Variants in VRK2 observed in about 807,000 individuals in gnomAD.
VRK2 encodes serine/threonine-protein kinase VRK2.
Under a neutral mutation model 57.6 loss-of-function variants are expected in VRK2, and 60 were observed. The ratio of observed to expected loss-of-function variants is 1.04; its 90% CI spans 0.85 to 1.29. VRK2 has a LOEUF of 1.29. VRK2 is among the 50% of genes most tolerant of loss of function. The probability of loss-of-function intolerance (pLI) is 0.00; values close to 1 mark genes in which losing one functional copy is unlikely to be tolerated. For missense variants in VRK2, 705 were observed against 588.1 expected, an observed-to-expected ratio of 1.20 and a Z score of -2.06; for synonymous variants, 231 against 199.2, an observed-to-expected ratio of 1.16 and a Z score of -1.35.
At chr2:58,011,548 G>T (rs1180680316) in intron 1 of VRK2, among the ~76,000 whole-genome samples, 1 of 152,126 alleles carries the variant, frequency 6.6e-6, no homozygotes, top group Non-Finnish European at 1.5e-5. Context: ...AAACACACAA[G>T]TTGTGTCTGG....
chr2:58,063,402 AC>A lies in VRK2; in HGVS notation c.136+14436del, dbSNP rs375976447. 8.5e-5 allele frequency among the ~76,000 whole-genome samples: 13 copies of A among 152,078 alleles called. No homozygotes were observed. The East Asian group carries it at 1.9e-3, about 23-fold the overall frequency. The stretch of plus-strand genomic sequence containing the variant: ...TAGCAGTGTAGGATGTCTATACTTA[AC>A]AAAAATGTATTGTACTTGGGTAATG... On this transcript the variant is annotated intron_variant, in intron 2 of 12. Coordinates refer to ENST00000340157, the MANE Select transcript of VRK2 (RefSeq NM_006296.7).
intron 1 of VRK2, among the ~76,000 whole-genome samples, chr2:57,939,842 A>G (rs952076826): frequency 1.3e-5 from 2 of 152,350 alleles, no homozygotes; most frequent in East Asian, 1.9e-4. Context: ...AAAGATCAGA[A>G]TAATTAATTT....
chr2:58,088,407 C>T lies in VRK2; in HGVS notation c.411C>T (p.Thr137=). The T allele has an allele frequency of 6.2e-7, 1 of 1,613,430 alleles. No individual in the cohort carries two copies. Among genetic ancestry groups the T allele is most frequent in the Non-Finnish European group, 8.5e-7 (1 of 1,179,636 alleles). Residue 137 remains threonine, a synonymous_variant, in exon 6 of 13, where the codon ACC becomes ACT. Coordinates refer to ENST00000340157, the MANE Select transcript of VRK2 (RefSeq NM_006296.7). ...AGAAGATCTCAGGCCAGAATGGTAC[C>T]TTTAAAAAGTCAACTGTCCTGCAAT... ...DLQKISGQNG[T]FKKSTVLQLG... is the part of the protein sequence containing the mutation.
At chr2:57,974,517 T>C (rs1376274844) in intron 1 of VRK2, among the ~76,000 whole-genome samples, 1 of 151,766 alleles carries the variant, frequency 6.6e-6, no homozygotes, top group Admixed American at 6.6e-5. Flanking sequence ...AAAAACTAAA[T>C]ATAAAATTAT....
intron 1 of VRK2, among the ~76,000 whole-genome samples, chr2:58,018,351 A>G (rs549096623): frequency 3.0e-4 from 46 of 152,338 alleles, no homozygotes; most frequent in Non-Finnish European, 5.9e-4. Context: ...CAGTTCTGAA[A>G]TGAGAGCAAT....
intron 1 of VRK2, among the ~76,000 whole-genome samples, chr2:58,047,704 C>G (rs1022245303): frequency 6.6e-6 from 1 of 152,084 alleles, no homozygotes; most frequent in Admixed American, 6.5e-5. Context: ...AATCAATGCT[C>G]TAGGCATAGT....
chr2:58,043,192 A>G (rs1674531525), upstream of VRK2, among the ~76,000 whole-genome samples: 1 of 152,188 alleles, frequency 6.6e-6, no homozygotes, highest in African/African-American at 2.4e-5. Flanking sequence ...TTAAATCATA[A>G]GAACACTTAA....
chr2:58,143,008 C>T (rs1489829938), intron 11 of VRK2, among the ~76,000 whole-genome samples: 2 of 151,842 alleles, frequency 1.3e-5, no homozygotes, highest in African/African-American at 2.4e-5. Flanking sequence ...CCTTCATTCA[C>T]CTTAAATCTG....
intron 1 of VRK2, among the ~76,000 whole-genome samples, chr2:57,948,306 G>A (rs1007179386): frequency 4.6e-5 from 7 of 152,130 alleles, no homozygotes. Context: ...ATTAACTGCT[G>A]CCATACTTAT....
At chr2:57,985,638 A>G (rs1672571597) in intron 1 of VRK2, among the ~76,000 whole-genome samples, 1 of 152,154 alleles carries the variant, frequency 6.6e-6, no homozygotes, top group African/African-American at 2.4e-5. Flanking sequence ...CCCTAAGATC[A>G]GAACCAAAAT....
In VRK2 at chr2:58,084,937, A is replaced by G. The variant is rs763895082; in HGVS notation, c.243A>G (p.Ala81=). 4 of 1,583,660 alleles carry G rather than the reference A, an allele frequency of 2.5e-6. No individual in the cohort carries two copies. The highest frequency in any genetic ancestry group is 8.6e-7 in the Non-Finnish European group (1 of 1,164,496). Residue 81 remains alanine (A), a synonymous_variant, in exon 4 of 13, where the codon GCA becomes GCG. Coordinates refer to ENST00000340157, the MANE Select transcript of VRK2 (RefSeq NM_006296.7). ...AACTTAAATTTTATCAGAGAGTTGC[A>G]AAAAAAGACTGTAGTAAGTAAAATT... ...FSELKFYQRV[A]KKDCIKKWIE... is the part of the protein sequence containing the mutation.
At chr2:58,084,262 G>T in intron 3 of VRK2, 124 bp downstream of exon 3, 2 of 981,862 alleles carry the variant, frequency 2.0e-6, no homozygotes, top group East Asian at 2.8e-5. Context: ...GTTATCATCT[G>T]TTTTGACGTT....
intron 12 of VRK2, among the ~76,000 whole-genome samples, chr2:58,156,258 A>T (rs1420610607): frequency 6.6e-6 from 1 of 151,878 alleles, no homozygotes; most frequent in African/African-American, 2.4e-5. Flanking sequence ...GTTAGCAGTT[A>T]TTCTTATTGG....
chr2:57,910,204 G>T (rs2103880505), intron 1 of VRK2, among the ~76,000 whole-genome samples: 1 of 151,956 alleles, frequency 6.6e-6, no homozygotes, highest in Non-Finnish European at 1.5e-5. Context: ...CTGCCTAAAT[G>T]CCAGAGCTGT....
At chr2:58,100,054 G>A (rs951234367) in intron 7 of VRK2, among the ~76,000 whole-genome samples, 5 of 152,020 alleles carry the variant, frequency 3.3e-5, no homozygotes, top group Non-Finnish European at 5.9e-5. Flanking sequence ...TCTGGAAGAA[G>A]GAGTTGTAAT....
intron 1 of VRK2, among the ~76,000 whole-genome samples, chr2:57,995,914 G>T (rs916773707): frequency 1.3e-5 from 2 of 152,170 alleles, no homozygotes; most frequent in African/African-American, 4.8e-5. Flanking sequence ...TAAGCAAAGT[G>T]CACTCAGTCT....
intron 1 of VRK2, among the ~76,000 whole-genome samples, chr2:57,910,332 A>G (rs1450808336): frequency 2.6e-5 from 4 of 152,120 alleles, no homozygotes; most frequent in African/African-American, 9.7e-5. Context: ...TGACTCCCCT[A>G]TTGTACTCTT....
At chr2:58,107,302 TA>T (rs983871624) in intron 7 of VRK2, among the ~76,000 whole-genome samples, 9 of 152,284 alleles carry the variant, frequency 5.9e-5, no homozygotes, top group Admixed American at 2.6e-4. Context: ...GAAGACCTTT[TA>T]TTTTTTTTGT....
chr2:58,084,335 TTATC>T (rs1385574725), intron 3 of VRK2, among the ~76,000 whole-genome samples, 197 bp downstream of exon 3: 2 of 151,806 alleles, frequency 1.3e-5, no homozygotes, highest in Admixed American at 6.6e-5. Context: ...CCCTGGTGTG[TTATC>T]TATCTAGCTA....
Sources: allele counts gnomAD v4.1 joint callset (sites outside exome capture counted in the v4.1 genomes callset), GRCh38; gene constraint gnomAD v4.1.1; transcripts MANE v1.5; gene names NCBI Gene and HGNC (gene_info 2026-07-23, HGNC 2026-07-21).